The following SETBP1 variants were observed in gnomAD, a reference collection of about 807,000 sequenced individuals.
SETBP1 encodes the protein SET binding protein 1, also known as SET-binding protein.
Under a neutral mutation model 101.0 loss-of-function variants are expected in SETBP1, and 9 were observed. The ratio of observed to expected loss-of-function variants is 0.09; its 90% CI spans 0.05 to 0.16. The LOEUF is 0.16. SETBP1 is among the 10% of genes least tolerant of loss of function. The probability of loss-of-function intolerance (pLI) is 1.00; values close to 1 mark genes in which losing one functional copy is unlikely to be tolerated. For missense variants in SETBP1, 1,858 were observed against 2,033.8 expected (o/e 0.91, Z 1.66); for synonymous variants, 818 against 788.5 (o/e 1.04, Z -0.63).
rs116713266 is a variant in SETBP1 at position 44,831,158 on chromosome 18, A to G, written c.487-38072A>G. ...AGAGGCCTGTTTGTGAACATTGCCT[A>G]TGATGAACCGTTCTTATGTTGGCCT... On this transcript the variant is annotated intron_variant, in intron 2 of 5. Transcript: ENST00000649279. Among the ~76,000 whole-genome samples the G allele has an allele frequency of 2.2e-4, 34 of 152,360 alleles. 1 individual carries two copies. Among genetic ancestry groups the G allele is most frequent in the African/African-American group, 5.8e-4 (24 of 41,598 alleles).
Position 44,867,371 on chromosome 18 carries a change from G to A in SETBP1, c.487-1859G>A, listed in dbSNP as rs191523454. On this transcript the variant is annotated intron_variant, in intron 2 of 5. Coordinates refer to ENST00000649279, the MANE Select transcript of SETBP1 (RefSeq NM_015559.3). The stretch of plus-strand genomic sequence containing the variant: ...TTGCACCTGCTCCCACCTGAAGTGC[G>A]TTGCCCTGCCACCTTTCCATGTGAA... 1.9e-3 allele frequency among the ~76,000 whole-genome samples: 292 copies of A among 152,236 alleles called. 2 individuals carry two copies. Among genetic ancestry groups the A allele is most frequent in the Middle Eastern group, 0.014 (4 of 294 alleles).
At chr18:44,837,074 T>A (rs2072513715) in intron 2 of SETBP1, among the ~76,000 whole-genome samples, 1 of 152,228 alleles carries the variant, frequency 6.6e-6, no homozygotes, top group Non-Finnish European at 1.5e-5. Flanking sequence ...CTCTGCTCCA[T>A]GGGCTAAGGA....
chr18:44,807,005 C>T lies in SETBP1; in HGVS notation c.487-62225C>T, dbSNP rs8097101. 6.5e-3 allele frequency among the ~76,000 whole-genome samples: 991 copies of T among 152,112 alleles called. 10 individuals are homozygous for T. The highest frequency in any genetic ancestry group is 0.023 in the African/African-American group (960 of 41,504). ...GATTCCATTATTGTTCTCAGTAAGCCCCAGAGAGCTAATATAGAACTGGGT... is the reference window on the plus strand; with the variant it reads ...GATTCCATTATTGTTCTCAGTAAGCTCCAGAGAGCTAATATAGAACTGGGT... On this transcript the variant is annotated intron_variant, in intron 2 of 5. Coordinates refer to ENST00000649279, the MANE Select transcript of SETBP1 (RefSeq NM_015559.3).
intron 2 of SETBP1, among the ~76,000 whole-genome samples, chr18:44,758,252 G>T (rs1385377673): frequency 6.6e-6 from 1 of 152,138 alleles, no homozygotes; most frequent in African/African-American, 2.4e-5. Flanking sequence ...AAATTAAGAA[G>T]TTTGATCAAA....
At chr18:44,726,347 AAAT>A (rs2069706342) in intron 2 of SETBP1, among the ~76,000 whole-genome samples, 1 of 152,238 alleles carries the variant, frequency 6.6e-6, no homozygotes, top group Non-Finnish European at 1.5e-5. Flanking sequence ...ATGAATAATC[AAAT>A]AATAATACTT....
At chr18:44,757,515 C>T (rs1307444315) in intron 2 of SETBP1, among the ~76,000 whole-genome samples, 12 of 152,142 alleles carry the variant, frequency 7.9e-5, no homozygotes, top group African/African-American at 9.7e-5. Flanking sequence ...TCTGTATCCC[C>T]GGCCAGCCTC....
intron 2 of SETBP1, among the ~76,000 whole-genome samples, chr18:44,796,116 G>A (rs1288479487): frequency 2.6e-5 from 4 of 152,156 alleles, no homozygotes; most frequent in East Asian, 3.8e-4. Flanking sequence ...AACTGATCCC[G>A]AATTAAGACT....
chr18:44,952,605 A>G lies in SETBP1; in HGVS notation c.3265A>G (p.Thr1089Ala), dbSNP rs1477971427. The G allele has an allele frequency of 5.0e-6, 8 of 1,613,032 alleles. No homozygotes were observed. The highest frequency in any genetic ancestry group is 6.8e-6 in the Non-Finnish European group (8 of 1,179,504). The change falls in exon 4 of 6, where the codon ACA (threonine) becomes GCA (alanine). Residue 1089 changes from threonine (T) to alanine (A), a missense_variant. Thr to Ala is a moderately conservative substitution (Grantham distance 58). Coordinates refer to ENST00000649279, the MANE Select transcript of SETBP1 (RefSeq NM_015559.3). ...AGCAGCTTCCCCATTCATGAGGCCAACAGTGCCACCACCTCAGTTCCACAC... is the reference window on the plus strand; with the variant it reads ...AGCAGCTTCCCCATTCATGAGGCCAGCAGTGCCACCACCTCAGTTCCACAC... ...LGAASPFMRP[T>A]VPPPQFHTNS...
intron 2 of SETBP1, among the ~76,000 whole-genome samples, chr18:44,828,558 C>T (rs536828744): frequency 8.8e-4 from 134 of 152,188 alleles, no homozygotes; most frequent in Non-Finnish European, 1.7e-3. Context: ...TTTTTCCTAT[C>T]CTGTATAATA....
chr18:44,928,330 T>A (rs1304798703), intron 3 of SETBP1, among the ~76,000 whole-genome samples: 1 of 152,224 alleles, frequency 6.6e-6, no homozygotes, highest in Non-Finnish European at 1.5e-5. Flanking sequence ...AGTCTATCAT[T>A]GATGGACATT....
At chr18:44,691,838 C>A (rs930890188) in intron 1 of SETBP1, among the ~76,000 whole-genome samples, 1 of 152,298 alleles carries the variant, frequency 6.6e-6, no homozygotes, top group Admixed American at 6.5e-5. Context: ...GAAGGGGCCA[C>A]AGGGTTGAAC....
rs1198820369 is a variant in SETBP1 at position 45,065,226 on chromosome 18, C to T, written c.*1528C>T. 2 of 152,128 alleles carry T rather than the reference C, an allele frequency of 1.3e-5. No homozygotes were observed. The highest frequency in any genetic ancestry group is 2.9e-5 in the Non-Finnish European group (2 of 68,042). The allele number at this position is 152,128 out of a possible 1,614,324, so 9.4% of individuals were successfully genotyped here. ...AGGCTCAGAATGAATATGAAGAATTCCATTTCCGTAGATGTTTTCTAAAAG... is the reference window on the plus strand; with the variant it reads ...AGGCTCAGAATGAATATGAAGAATTTCATTTCCGTAGATGTTTTCTAAAAG... On this transcript the variant is annotated 3_prime_UTR_variant, in exon 6 of 6. Coordinates refer to ENST00000649279, the MANE Select transcript of SETBP1 (RefSeq NM_015559.3).
chr18:44,932,889 A>T (rs2070869774), intron 3 of SETBP1, among the ~76,000 whole-genome samples: 1 of 152,172 alleles, frequency 6.6e-6, no homozygotes, highest in Non-Finnish European at 1.5e-5. Flanking sequence ...TTGGGTTTGA[A>T]CATCCTCCTT....
intron 2 of SETBP1, among the ~76,000 whole-genome samples, chr18:44,814,287 T>A (rs373249676): frequency 6.6e-6 from 1 of 152,190 alleles, no homozygotes; most frequent in Non-Finnish European, 1.5e-5. Context: ...TTGCACTAGA[T>A]GCAAGATAGT....
intron 3 of SETBP1, among the ~76,000 whole-genome samples, chr18:44,948,534 A>AGATGAT: frequency 6.7e-6 from 1 of 150,262 alleles, no homozygotes; most frequent in Admixed American, 6.7e-5. Flanking sequence ...GATAGATGAT[A>AGATGAT]GATAGATATT....
intron 4 of SETBP1, among the ~76,000 whole-genome samples, chr18:44,995,816 A>C (rs1369985125): frequency 6.6e-6 from 1 of 152,122 alleles, no homozygotes; most frequent in Non-Finnish European, 1.5e-5. Flanking sequence ...ACCAACTCCC[A>C]AGAGCGCTTG....
chr18:45,006,384 G>A (rs1464243101), intron 4 of SETBP1, among the ~76,000 whole-genome samples: 2 of 152,298 alleles, frequency 1.3e-5, no homozygotes, highest in East Asian at 3.9e-4. Context: ...GTATCAGTTT[G>A]AGATGTAGTA....
chr18:44,925,007 GTTTTTTTTTTTTTT>G (rs60718477), intron 3 of SETBP1, among the ~76,000 whole-genome samples: 2 of 45,970 alleles, frequency 4.4e-5, no homozygotes, highest in Admixed American at 2.4e-4. Flanking sequence ...TCCTGTGTGA[GTTTTTTTTTTTTTT>G]TTTTTTTTTT....
intron 3 of SETBP1, among the ~76,000 whole-genome samples, chr18:44,919,889 A>G (rs1297038416): frequency 1.3e-5 from 2 of 152,174 alleles, no homozygotes; most frequent in African/African-American, 4.8e-5. Context: ...GTAAACACAC[A>G]CACATATAGA....
Sources: gnomAD v4.1 joint callset for allele counts (sites outside exome capture counted in the v4.1 genomes callset) on GRCh38, gnomAD v4.1.1 for gene constraint, MANE v1.5 for transcripts, NCBI Gene and HGNC (gene_info 2026-07-23, HGNC 2026-07-21) for gene names.